Variants in TRABD2A observed in about 807,000 individuals in gnomAD.
The protein encoded by TRABD2A is metalloprotease TIKI1.
TRABD2A carries 43 observed loss-of-function variants against 45.6 expected under a neutral mutation model. That is an observed-to-expected ratio of 0.94 (90% CI 0.74 to 1.22). TRABD2A has a LOEUF of 1.22. TRABD2A is among the 50% of genes most tolerant of loss of function. TRABD2A has a pLI of 0.00. For missense variants in TRABD2A, 642 were observed against 652.4 expected, an observed-to-expected ratio of 0.98 and a Z score of 0.17; for synonymous variants, 269 against 265.0, an observed-to-expected ratio of 1.02 and a Z score of -0.15.
chr2:84,848,568 TAGAGAGAGAGAC>T (rs1379465107), intron 2 of TRABD2A, among the ~76,000 whole-genome samples: 1 of 148,578 alleles, frequency 6.7e-6, no homozygotes, highest in Non-Finnish European at 1.5e-5. Flanking sequence ...ATTACATATA[TAGAGAGAGAGAC>T]AGAGAGAGAG....
intron 3 of TRABD2A, among the ~76,000 whole-genome samples, chr2:84,840,649 ACT>A (rs1230098751): frequency 6.6e-6 from 1 of 152,116 alleles, no homozygotes; most frequent in Non-Finnish European, 1.5e-5. Flanking sequence ...GCCCACATTA[ACT>A]TTTTTCTGCT....
intron 2 of TRABD2A, among the ~76,000 whole-genome samples, chr2:84,860,321 T>G (rs1682455872): frequency 6.6e-6 from 1 of 151,848 alleles, no homozygotes; most frequent in Non-Finnish European, 1.5e-5. Flanking sequence ...AGCCTTTAAG[T>G]GAAAAGGGCG....
In TRABD2A at chr2:84,830,956, C is replaced by G. The variant is rs1186874808; in HGVS notation, c.1082+1099G>C. Among the ~76,000 whole-genome samples, 1 of 152,092 alleles carries G rather than the reference C, an allele frequency of 6.6e-6. No homozygotes were observed. Among genetic ancestry groups the G allele is most frequent in the African/African-American group, 2.4e-5 (1 of 41,394 alleles). On this transcript the variant is annotated intron_variant, in intron 5 of 6. Coordinates refer to ENST00000409520, the MANE Select transcript of TRABD2A (RefSeq NM_001277053.2). This position sits in a 1 kb window ranked among gnomAD's most constrained non-coding sequence, Gnocchi z 4.9. ...TCTCTCGCTACAGCTGAGACCTCTG[C>G]CAGGAGAGGGGGCTGCTGACCACAG...
At chr2:84,880,869 G>C in intron 1 of TRABD2A, 63 bp downstream of exon 1, 2 of 1,546,900 alleles carry the variant, frequency 1.3e-6, no homozygotes, top group South Asian at 2.4e-5. Context: ...GCGGGGTTCG[G>C]AGGGAAACCA....
At chr2:84,849,908 C>T (rs188289794) in intron 2 of TRABD2A, among the ~76,000 whole-genome samples, 7 of 152,302 alleles carry the variant, frequency 4.6e-5, no homozygotes, top group East Asian at 1.9e-4. Context: ...AGCATGCTTC[C>T]GCCAGTCGTA....
intron 2 of TRABD2A, among the ~76,000 whole-genome samples, chr2:84,861,968 G>A (rs1310059256): frequency 6.6e-6 from 1 of 152,176 alleles, no homozygotes; most frequent in African/African-American, 2.4e-5. Context: ...TCGTGGAAGA[G>A]TTCAGGGAGG....
At chr2:84,879,697 A>G (rs1230867506) in intron 1 of TRABD2A, 23 of 710,532 alleles carry the variant, frequency 3.2e-5, no homozygotes, top group African/African-American at 3.9e-5. Context: ...TGAAGCGGCC[A>G]CACCGCAACA....
In TRABD2A at chr2:84,822,057, T is replaced by A. The variant is rs1329892341; in HGVS notation, c.1378A>T (p.Ile460Phe). The A allele has an allele frequency of 1.3e-6, 2 of 1,590,346 alleles. No homozygotes were observed. Among genetic ancestry groups the A allele is most frequent in the Admixed American group, 1.8e-5 (1 of 56,206 alleles). Reference sequence around the variant, plus strand: ...CGAGGGAGCCGCAGTTCAGTGGAGATGTGCCTGTCCAGGACAGGGACCTGG... The same window carrying A: ...CGAGGGAGCCGCAGTTCAGTGGAGAAGTGCCTGTCCAGGACAGGGACCTGG... ...QLQVPVLDRH[I>F]STELRLPRRG... Residue 460 changes from isoleucine to phenylalanine, a missense_variant, in exon 7 of 7, where the codon ATC becomes TTC. By Grantham distance (21) the Ile-to-Phe change is conservative. Transcript: ENST00000409520.
At chr2:84,860,988 A>T (rs933343865) in intron 2 of TRABD2A, among the ~76,000 whole-genome samples, 1 of 152,226 alleles carries the variant, frequency 6.6e-6, no homozygotes, top group Non-Finnish European at 1.5e-5. Context: ...AGGTGGGAGC[A>T]GTGGGGAGGT....
chr2:84,837,301 GT>G (rs1242838008), intron 4 of TRABD2A: 1 of 152,088 alleles, frequency 6.6e-6, no homozygotes, highest in Non-Finnish European at 1.5e-5. Flanking sequence ...GCCTCTTTTA[GT>G]TTTTTGAACA....
At chr2:84,868,965 C>A (rs1431790444) in intron 2 of TRABD2A, among the ~76,000 whole-genome samples, 2 of 152,156 alleles carry the variant, frequency 1.3e-5, no homozygotes, top group Admixed American at 1.3e-4. Context: ...CCCAGGAGAT[C>A]AATGCAGACA....
chr2:84,874,272 CA>C (rs1168445526), intron 1 of TRABD2A, among the ~76,000 whole-genome samples: 1 of 152,200 alleles, frequency 6.6e-6, no homozygotes, highest in Non-Finnish European at 1.5e-5. Context: ...TAAAAACACA[CA>C]CACACGCACA....
At chr2:84,863,334 T>C (rs1175638269) in intron 2 of TRABD2A, among the ~76,000 whole-genome samples, 1 of 133,904 alleles carries the variant, frequency 7.5e-6, no homozygotes, top group African/African-American at 2.8e-5. Flanking sequence ...AAGCTCCGCC[T>C]CCTGGGTTCA....
At chr2:84,867,139 T>C (rs1253067493) in intron 2 of TRABD2A, among the ~76,000 whole-genome samples, 1 of 149,928 alleles carries the variant, frequency 6.7e-6, no homozygotes, top group Non-Finnish European at 1.5e-5. Context: ...AAATGAAACA[T>C]GGGGAAGTTA....
At chr2:84,840,577 A>T (rs138496798) in intron 3 of TRABD2A, among the ~76,000 whole-genome samples, 2 of 152,348 alleles carry the variant, frequency 1.3e-5, no homozygotes, top group Non-Finnish European at 2.9e-5. Context: ...AAAATGCATA[A>T]GACATCTGTA....
intron 5 of TRABD2A, among the ~76,000 whole-genome samples, 197 bp from the exon 6 acceptor site, chr2:84,824,401 A>G (rs1681092497): frequency 6.6e-6 from 1 of 152,072 alleles, no homozygotes; most frequent in East Asian, 1.9e-4. Context: ...TTTTCCCCTC[A>G]GATATCCTCA....
At chr2:84,861,098 C>T (rs17025660) in intron 2 of TRABD2A, among the ~76,000 whole-genome samples, 4 of 151,944 alleles carry the variant, frequency 2.6e-5, no homozygotes, top group African/African-American at 9.7e-5. Flanking sequence ...TTTACAGGGC[C>T]GTAGATCGAT....
chr2:84,857,861 C>CCCTT (rs1307717103), intron 2 of TRABD2A, among the ~76,000 whole-genome samples: 1 of 152,168 alleles, frequency 6.6e-6, no homozygotes. Context: ...TGTGTGCTAT[C>CCCTT]CCTCCCTCCA....
intron 1 of TRABD2A, among the ~76,000 whole-genome samples, chr2:84,874,229 T>C (rs935939330): frequency 2.6e-5 from 4 of 152,238 alleles, no homozygotes; most frequent in African/African-American, 7.2e-5. Context: ...ATAAGGTCAC[T>C]GTATGATCTT....
Sources: gnomAD v4.1 joint callset for allele counts (sites outside exome capture counted in the v4.1 genomes callset) on GRCh38, gnomAD v4.1.1 for gene constraint, Gnocchi (gnomAD v3.1) non-coding constraint, MANE v1.5 for transcripts, NCBI Gene and HGNC (gene_info 2026-07-23, HGNC 2026-07-21) for gene names.